The following KIAA1217 variants were observed in gnomAD, a reference collection of about 807,000 sequenced individuals.
The protein encoded by KIAA1217 is KIAA1217.
Under a neutral mutation model 163.9 loss-of-function variants are expected in KIAA1217, and 88 were observed. The observed-to-expected ratio is 0.54, with a 90% CI of 0.45 to 0.64. The LOEUF (loss-of-function observed/expected upper bound fraction) is 0.64. Ranked by LOEUF, KIAA1217 falls within the 30% of genes least tolerant of loss-of-function variation. The probability of loss-of-function intolerance (pLI) is 0.00; values close to 1 mark genes in which losing one functional copy is unlikely to be tolerated. For synonymous variants in KIAA1217, 903 were observed against 923.1 expected (o/e 0.98, Z 0.39); for missense variants, 2,372 against 2,475.0 (o/e 0.96, Z 0.88).
chr10:24,342,693 C>G (rs1385048594), intron 2 of KIAA1217, among the ~76,000 whole-genome samples: 1 of 128,310 alleles, frequency 7.8e-6, no homozygotes, highest in Admixed American at 9.4e-5. Flanking sequence ...GAGTCTCACT[C>G]TGTCGCCCAG....
intron 1 of KIAA1217, among the ~76,000 whole-genome samples, chr10:23,871,731 G>T (rs1840463321): frequency 6.6e-6 from 1 of 152,026 alleles, no homozygotes; most frequent in Admixed American, 6.6e-5. Context: ...CTTCAGTACT[G>T]ACGTCTTTTC....
intron 1 of KIAA1217, among the ~76,000 whole-genome samples, chr10:23,718,437 T>A (rs1014858905): frequency 6.6e-6 from 1 of 152,232 alleles, no homozygotes; most frequent in African/African-American, 2.4e-5. Context: ...ATGAAAGATG[T>A]GTCCCAAGTT....
intron 2 of KIAA1217, among the ~76,000 whole-genome samples, chr10:24,028,827 T>C (rs1481606608): frequency 6.6e-6 from 1 of 152,190 alleles, no homozygotes; most frequent in Non-Finnish European, 1.5e-5. Flanking sequence ...TACCAATAGT[T>C]TTATGCTTCT....
chr10:23,848,149 G>A (rs1352998393), intron 1 of KIAA1217, among the ~76,000 whole-genome samples: 1 of 152,032 alleles, frequency 6.6e-6, no homozygotes, highest in East Asian at 1.9e-4. Flanking sequence ...GTCAATTTTA[G>A]AATAAGTGTG....
chr10:23,782,377 T>TA (rs1411257981), intron 1 of KIAA1217, among the ~76,000 whole-genome samples: 2 of 152,156 alleles, frequency 1.3e-5, no homozygotes, highest in African/African-American at 2.4e-5. Context: ...GTTACTGGTG[T>TA]AAAAAAATAC....
chr10:24,420,246 G>A (rs1371907081), intron 3 of KIAA1217, among the ~76,000 whole-genome samples: 1 of 152,128 alleles, frequency 6.6e-6, no homozygotes, highest in Non-Finnish European at 1.5e-5. Flanking sequence ...TCTATGTGAC[G>A]AGAATAAAAT....
chr10:24,404,426 G>A (rs1471359310), intron 3 of KIAA1217, among the ~76,000 whole-genome samples: 3 of 152,014 alleles, frequency 2.0e-5, no homozygotes, highest in African/African-American at 7.2e-5. Flanking sequence ...AATCAGCCAG[G>A]CATGGTGGTG....
intron 2 of KIAA1217, among the ~76,000 whole-genome samples, chr10:24,266,439 C>T (rs2131845398): frequency 6.6e-6 from 1 of 152,236 alleles, no homozygotes; most frequent in Middle Eastern, 3.4e-3. Flanking sequence ...TTCCCTGATA[C>T]CATTGCATTC....
intron 1 of KIAA1217, among the ~76,000 whole-genome samples, chr10:23,773,982 ACTT>A: frequency 6.6e-6 from 1 of 152,264 alleles, no homozygotes; most frequent in African/African-American, 2.4e-5. Context: ...CCTGGCCAGA[ACTT>A]CCAACACTAT....
intron 2 of KIAA1217, among the ~76,000 whole-genome samples, chr10:24,201,337 C>A (rs534016783): frequency 1.3e-5 from 2 of 152,136 alleles, no homozygotes; most frequent in African/African-American, 2.4e-5. Context: ...AAATTAGGCT[C>A]CTAATATAGT....
chr10:23,725,491 T>A (rs1838086962), intron 1 of KIAA1217, among the ~76,000 whole-genome samples: 1 of 152,216 alleles, frequency 6.6e-6, no homozygotes, highest in African/African-American at 2.4e-5. Flanking sequence ...TGCTGATTCA[T>A]GTGAAATTTC....
intron 1 of KIAA1217, among the ~76,000 whole-genome samples, chr10:23,905,713 G>A (rs374966287): frequency 6.6e-6 from 1 of 151,936 alleles, no homozygotes; most frequent in Non-Finnish European, 1.5e-5. Context: ...AGGAGTTGAG[G>A]ACTATATCAT....
chr10:23,785,512 C>T (rs11013708), intron 1 of KIAA1217, among the ~76,000 whole-genome samples: 33,080 of 152,046 alleles, frequency 0.22, 3,789 homozygotes, highest in Middle Eastern at 0.28. Flanking sequence ...TTTTATTTTT[C>T]ATCACTTTGA....
chr10:24,393,208 G>T (rs552670309), intron 3 of KIAA1217, among the ~76,000 whole-genome samples: 1 of 152,276 alleles, frequency 6.6e-6, no homozygotes, highest in Admixed American at 6.5e-5. Context: ...GAGATTTAGG[G>T]CAGTTTCTCA....
chr10:24,160,814 A>G (rs1287310833), intron 2 of KIAA1217, among the ~76,000 whole-genome samples: 1 of 152,188 alleles, frequency 6.6e-6, no homozygotes, highest in Non-Finnish European at 1.5e-5. Context: ...AAAATGTGTA[A>G]CAGGGATGTA....
At chr10:24,026,377 C>A (rs1414217906) in intron 2 of KIAA1217, among the ~76,000 whole-genome samples, 1 of 151,744 alleles carries the variant, frequency 6.6e-6, no homozygotes, top group Admixed American at 6.6e-5. Flanking sequence ...GTAAAATTTA[C>A]CAATAAAGCC....
intron 1 of KIAA1217, among the ~76,000 whole-genome samples, chr10:23,950,941 TC>T (rs1324612454): frequency 6.6e-6 from 1 of 152,166 alleles, no homozygotes; most frequent in Non-Finnish European, 1.5e-5. Flanking sequence ...AAAGAATGAA[TC>T]ATTTCATAAA....
At chr10:23,941,332 C>A (rs997212343) in intron 1 of KIAA1217, among the ~76,000 whole-genome samples, 3 of 152,126 alleles carry the variant, frequency 2.0e-5, no homozygotes. Context: ...TTGAACAAAT[C>A]GTGTAATGTA....
intron 1 of KIAA1217, among the ~76,000 whole-genome samples, chr10:23,911,702 C>G (rs1842436557): frequency 6.6e-6 from 1 of 152,092 alleles, no homozygotes; most frequent in Admixed American, 6.6e-5. Flanking sequence ...ATGCAGCTGG[C>G]CTTGCCTTTT....
Sources: allele counts gnomAD v4.1 joint callset (sites outside exome capture counted in the v4.1 genomes callset), GRCh38; gene constraint gnomAD v4.1.1; transcripts MANE v1.5; gene names NCBI Gene and HGNC (gene_info 2026-07-23, HGNC 2026-07-21).